GCLC: variants seen among roughly 807,000 people sequenced by gnomAD.
The protein encoded by GCLC is glutamate-cysteine ligase catalytic subunit, also known as glutamate--cysteine ligase catalytic subunit.
A neutral mutation model predicts 81.5 loss-of-function variants in GCLC; 30 were observed. The observed-to-expected ratio is 0.37, with a 90% CI of 0.28 to 0.50. GCLC has a LOEUF of 0.50. Ranked by LOEUF, GCLC falls within the 20% of genes least tolerant of loss-of-function variation. GCLC has a pLI of 0.96. For synonymous variants in GCLC, 262 were observed against 273.3 expected, an observed-to-expected ratio of 0.96 and a Z score of 0.41; for missense variants, 556 against 777.4, an observed-to-expected ratio of 0.72 and a Z score of 3.39.
At chr6:53,534,908 C>G (rs1293313647) in intron 1 of GCLC, among the ~76,000 whole-genome samples, 4 of 152,146 alleles carry the variant, frequency 2.6e-5, no homozygotes, top group African/African-American at 9.7e-5. Flanking sequence ...AGATTCAATG[C>G]AATCCCAATA....
At position 53,513,869 on chromosome 6, in the gene GCLC, C is replaced by A. The variant is rs530242643; in HGVS notation, c.753+335G>T. The A allele has an allele frequency of 3.1e-5, 9 of 293,714 alleles. No individual in the cohort carries two copies. In the Admixed American group the frequency reaches 4.4e-4, roughly 14 times the overall value. 18.2% of individuals were successfully genotyped at this position (293,714 alleles called of 1,614,324 possible). ...AACAATATTTAAACCACCTCACTAG[C>A]CTGTCACGAGATGGCAGTAAAAACT... is the stretch of plus-strand genomic sequence containing the variant. On this transcript the variant is annotated intron_variant, in intron 6 of 15. Coordinates refer to ENST00000650454, the MANE Select transcript of GCLC (RefSeq NM_001498.4).
At position 53,545,012 on chromosome 6, in the gene GCLC, T is replaced by G. The variant is rs371270794; in HGVS notation, c.-367A>C. On this transcript the variant is annotated 5_prime_UTR_variant, in exon 1 of 16. Coordinates refer to ENST00000650454, the MANE Select transcript of GCLC (RefSeq NM_001498.4). Reference sequence around the variant, plus strand: ...GGCGGCTCCCGCTTCTCTTTGCCGGTCTGGTGCACTGGCTTCTTCCTACTT... The same window carrying G: ...GGCGGCTCCCGCTTCTCTTTGCCGGGCTGGTGCACTGGCTTCTTCCTACTT... 95 of 172,506 alleles carry G rather than the reference T, an allele frequency of 5.5e-4. No homozygotes were observed. The highest frequency in any genetic ancestry group is 2.1e-3 in the African/African-American group (87 of 42,268). 10.7% of individuals were successfully genotyped at this position (172,506 alleles called of 1,614,324 possible). A position where few individuals can be genotyped will look rare whatever the true frequency, so the allele number is the denominator to read the frequency against.
rs1045496978 is a variant in GCLC, at chr6:53,497,841, C to T, written c.*915G>A. The T allele has an allele frequency of 6.6e-6, 1 of 152,456 alleles. No homozygotes were observed. Among genetic ancestry groups the T allele is most frequent in the African/African-American group, 2.4e-5 (1 of 41,378 alleles). 9.4% of individuals were successfully genotyped at this position (152,456 alleles called of 1,614,324 possible). ...GAGTGAATGGCTTTTAGAGGAAAGT[C>T]TATCAGTATGCTTAACTAAAAACTA... On this transcript the variant is annotated 3_prime_UTR_variant, in exon 16 of 16. Coordinates refer to ENST00000650454, the MANE Select transcript of GCLC (RefSeq NM_001498.4).
intron 1 of GCLC, among the ~76,000 whole-genome samples, chr6:53,536,236 T>A (rs1379665675): frequency 6.6e-6 from 1 of 152,236 alleles, no homozygotes; most frequent in Non-Finnish European, 1.5e-5. Context: ...AAATGCAAAC[T>A]ATGATTTCTT....
At chr6:53,542,153 T>TTA (rs1359479059) in intron 1 of GCLC, among the ~76,000 whole-genome samples, 5 of 152,214 alleles carry the variant, frequency 3.3e-5, no homozygotes, top group Admixed American at 1.3e-4. Context: ...GCCCAGCCAT[T>TTA]ATTAGAGTCT....
At chr6:53,540,619 T>C (rs912895954) in intron 1 of GCLC, among the ~76,000 whole-genome samples, 1 of 151,718 alleles carries the variant, frequency 6.6e-6, no homozygotes, top group African/African-American at 2.4e-5. Context: ...ACTATATTTG[T>C]GCACTTAAAA....
In GCLC at chr6:53,506,498, T is replaced by C; in HGVS notation, c.1197+415A>G. 1 of 239,090 alleles carries C rather than the reference T, an allele frequency of 4.2e-6. No homozygotes were observed. Among genetic ancestry groups the C allele is most frequent in the Non-Finnish European group, 8.2e-6 (1 of 122,138 alleles). The allele number at this position is 239,090 out of a possible 1,614,324, so 14.8% of individuals were successfully genotyped here. A position where few individuals can be genotyped will look rare whatever the true frequency, so the allele number is the denominator to read the frequency against. On this transcript the variant is annotated intron_variant, in intron 10 of 15. Transcript: ENST00000650454. The surrounding 1 kb of genome is among the most constrained non-coding windows in gnomAD (Gnocchi z 4.0). ...ATTTCAAAAGGTATATATGTCAATG[T>C]CTACATATAACATGACACAGAAATA...
chr6:53,542,000 TG>T (rs1464897589), intron 1 of GCLC, among the ~76,000 whole-genome samples: 1 of 152,136 alleles, frequency 6.6e-6, no homozygotes, highest in Non-Finnish European at 1.5e-5. Flanking sequence ...CCCGAGTAGT[TG>T]GGGCCACAGG....
chr6:53,539,019 T>C (rs570266365), intron 1 of GCLC, among the ~76,000 whole-genome samples: 9 of 152,308 alleles, frequency 5.9e-5, no homozygotes, highest in African/African-American at 2.2e-4. Flanking sequence ...TGCCACTAAG[T>C]AGCTGAAAAG....
In GCLC at chr6:53,543,429, T is replaced by C. The variant is rs549697186; in HGVS notation, c.150+1067A>G. On this transcript the variant is annotated intron_variant, in intron 1 of 15. Coordinates refer to ENST00000650454, the MANE Select transcript of GCLC (RefSeq NM_001498.4). ...GCACAATTTCTTCAGCTGTAGGAGG[T>C]AGAATCCCAATCTTAGAAAAAAAAA... 1.3e-3 allele frequency among the ~76,000 whole-genome samples: 186 copies of C among 143,666 alleles called. 1 individual carries two copies. Among genetic ancestry groups the C allele is most frequent in the African/African-American group, 4.7e-3 (181 of 38,442 alleles). 94.3% of individuals were successfully genotyped at this position (143,666 alleles called of 152,430 possible).
At chr6:53,505,678 C>T (rs1475968632) in intron 11 of GCLC, 125 bp downstream of exon 11, 2 of 760,612 alleles carry the variant, frequency 2.6e-6, no homozygotes, top group African/African-American at 1.7e-5. Context: ...GACTGACTTG[C>T]TACCATGCAC....
intron 12 of GCLC, chr6:53,500,861 G>A: frequency 2.7e-6 from 1 of 370,724 alleles, no homozygotes; most frequent in Non-Finnish European, 5.1e-6. Flanking sequence ...TTATATAGCA[G>A]TGTCTCACCA....
chr6:53,538,972 C>T (rs2127631091), intron 1 of GCLC, among the ~76,000 whole-genome samples: 1 of 152,270 alleles, frequency 6.6e-6, no homozygotes, highest in South Asian at 2.1e-4. Flanking sequence ...AAGGACTGGA[C>T]CTGGAGTCAG....
intron 1 of GCLC, among the ~76,000 whole-genome samples, chr6:53,527,056 C>G (rs929527371): frequency 3.3e-5 from 5 of 152,112 alleles, no homozygotes; most frequent in African/African-American, 9.7e-5. Flanking sequence ...GAGAAGAAAC[C>G]TACACCAAGC....
At position 53,527,693 on chromosome 6, in the gene GCLC, G is replaced by A. The variant is rs1007807354; in HGVS notation, c.151-5166C>T. ...AATGACCAAAGAGAGCTGTGCATAT[G>A]TAACAGCACAGTCTAAGCCGGTCTA... On this transcript the variant is annotated intron_variant, in intron 1 of 15. Coordinates refer to ENST00000650454, the MANE Select transcript of GCLC (RefSeq NM_001498.4). 3.3e-5 allele frequency among the ~76,000 whole-genome samples: 5 copies of A among 152,234 alleles called. No homozygotes were observed. In the East Asian group the frequency reaches 9.6e-4, roughly 29 times the overall value.
chr6:53,517,070 T>C (rs978833861), intron 3 of GCLC, among the ~76,000 whole-genome samples: 1 of 130,838 alleles, frequency 7.6e-6, no homozygotes, highest in Non-Finnish European at 1.6e-5. Flanking sequence ...TCATATCTTT[T>C]AAAAAAAAAT....
At chr6:53,511,412 G>A (rs572882195) in intron 6 of GCLC, among the ~76,000 whole-genome samples, 8 of 152,080 alleles carry the variant, frequency 5.3e-5, no homozygotes, top group Admixed American at 1.3e-4. Context: ...TTGCTCTTAG[G>A]TATTTGAGTA....
intron 1 of GCLC, among the ~76,000 whole-genome samples, chr6:53,535,876 G>A (rs926455167): frequency 6.6e-6 from 1 of 152,094 alleles, no homozygotes; most frequent in African/African-American, 2.4e-5. Flanking sequence ...AATGCAAAAT[G>A]GTATAACCAC....
intron 1 of GCLC, among the ~76,000 whole-genome samples, chr6:53,543,445 GAAAAA>G (rs11290203): frequency 2.1e-5 from 3 of 145,220 alleles, no homozygotes; most frequent in Non-Finnish European, 4.5e-5. Flanking sequence ...CCCAATCTTA[GAAAAA>G]AAAAAAAAAC....
Sources: gnomAD v4.1 joint callset for allele counts (sites outside exome capture counted in the v4.1 genomes callset) on GRCh38, gnomAD v4.1.1 for gene constraint, Gnocchi (gnomAD v3.1) non-coding constraint, MANE v1.5 for transcripts, NCBI Gene and HGNC (gene_info 2026-07-23, HGNC 2026-07-21) for gene names.